Variants in RAB2A observed in about 807,000 individuals in gnomAD.
The protein encoded by RAB2A is RAB2A, member RAS oncogene family, also known as ras-related protein Rab-2A.
A neutral mutation model predicts 32.5 loss-of-function variants in RAB2A; 7 were observed. That is an observed-to-expected ratio of 0.22 (90% CI 0.12 to 0.40). RAB2A has a LOEUF of 0.40. Ranked by LOEUF, RAB2A falls within the 10% of genes least tolerant of loss-of-function variation. The pLI is 1.00. For missense variants in RAB2A, 108 were observed against 260.7 expected, an observed-to-expected ratio of 0.41 and a Z score of 4.03; for synonymous variants, 79 against 85.2, an observed-to-expected ratio of 0.93 and a Z score of 0.40.
Position 60,598,905 on chromosome 8 carries a change from T to C in RAB2A, c.474+6936T>C, listed in dbSNP as rs111945616. ...TGTCTCTTCTCAACATTAATCAACA[T>C]ATTGATGGAAGTTCTAGCCAGTGCA... On this transcript the variant is annotated intron_variant, in intron 6 of 7. Coordinates refer to ENST00000262646, the MANE Select transcript of RAB2A (RefSeq NM_002865.3). Among the ~76,000 whole-genome samples the C allele has an allele frequency of 1.4e-4, 15 of 107,966 alleles. 1 individual carries two copies. Among genetic ancestry groups the C allele is most frequent in the African/African-American group, 5.4e-4 (15 of 27,710 alleles). The allele number at this position is 107,966 out of a possible 152,430, so 70.8% of individuals were successfully genotyped here.
rs73683517 is a variant in RAB2A, at chr8:60,584,414, A to G, written c.269+124A>G. On this transcript the variant is annotated intron_variant, in intron 4 of 7. Transcript: ENST00000262646. ...CCCGGCTACTCACCTTTAAAACTGC[A>G]TCTTGAGTCCAATTTAAATTTACTA... 4,502 of 765,302 alleles carry G rather than the reference A, an allele frequency of 5.9e-3. 138 individuals carry two copies. In the African/African-American group the frequency reaches 0.071, roughly 12 times the overall value. 47.4% of individuals were successfully genotyped at this position (765,302 alleles called of 1,614,324 possible).
intron 6 of RAB2A, among the ~76,000 whole-genome samples, chr8:60,600,307 C>T (rs1026145538): frequency 1.1e-4 from 16 of 152,224 alleles, no homozygotes; most frequent in South Asian, 8.3e-4. Context: ...GACTGGGCAA[C>T]ACAGACCCTG....
At chr8:60,596,016 CTGAA>C (rs1417496889) in intron 6 of RAB2A, among the ~76,000 whole-genome samples, 1 of 152,126 alleles carries the variant, frequency 6.6e-6, no homozygotes, top group African/African-American at 2.4e-5. Flanking sequence ...ACACATTGAA[CTGAA>C]TGAAAATACA....
chr8:60,606,051 A>C (rs1804226003), intron 6 of RAB2A, among the ~76,000 whole-genome samples: 1 of 152,074 alleles, frequency 6.6e-6, no homozygotes, highest in African/African-American at 2.4e-5. Flanking sequence ...CAGGAGGCTG[A>C]GACAGGAGAA....
intron 6 of RAB2A, among the ~76,000 whole-genome samples, chr8:60,596,096 A>C (rs755137851): frequency 3.9e-5 from 6 of 152,204 alleles, no homozygotes; most frequent in Non-Finnish European, 7.4e-5. Flanking sequence ...CATTAAATGC[A>C]CACAATAGAA....
upstream of RAB2A, chr8:60,516,982 C>G (rs924003646): frequency 4.6e-6 from 2 of 431,242 alleles, no homozygotes; most frequent in Non-Finnish European, 8.3e-6. Context: ...GCCGCGGCGG[C>G]TGTTATTGTT....
At chr8:60,546,519 TAGCATTAAAGAAAGG>T (rs1187373551) in intron 1 of RAB2A, among the ~76,000 whole-genome samples, 4 of 152,220 alleles carry the variant, frequency 2.6e-5, no homozygotes, top group African/African-American at 9.6e-5. Flanking sequence ...AGTACTTCTC[TAGCATTAAAGAAAGG>T]ATAAACTACA....
At chr8:60,517,343 G>T in intron 1 of RAB2A, 90 bp downstream of exon 1, 8 of 1,212,924 alleles carry the variant, frequency 6.6e-6, no homozygotes, top group Non-Finnish European at 8.7e-6. Context: ...CGGGGACGCG[G>T]ACTCCACCCG....
chr8:60,529,426 C>G (rs544890930), intron 1 of RAB2A, among the ~76,000 whole-genome samples: 2 of 152,140 alleles, frequency 1.3e-5, no homozygotes, highest in African/African-American at 4.8e-5. Flanking sequence ...TTTTCTTGTT[C>G]TTCTGTCAGA....
At chr8:60,598,623 A>G (rs1385568118) in intron 6 of RAB2A, among the ~76,000 whole-genome samples, 2 of 152,174 alleles carry the variant, frequency 1.3e-5, no homozygotes, top group Non-Finnish European at 2.9e-5. Flanking sequence ...ATTCAAAAAC[A>G]AATCAGTGTA....
At chr8:60,613,004 G>T (rs991212323) in intron 6 of RAB2A, among the ~76,000 whole-genome samples, 6 of 152,140 alleles carry the variant, frequency 3.9e-5, no homozygotes, top group South Asian at 2.1e-4. Flanking sequence ...AGAATTTGAA[G>T]AAGTTTCTTA....
At position 60,622,823 on chromosome 8, in the gene RAB2A, G is replaced by C. The variant is rs1804549795; in HGVS notation, c.*2054G>C. On this transcript the variant is annotated 3_prime_UTR_variant, in exon 8 of 8. Transcript: ENST00000262646. ...GGGGCAGCAGGTGGACTTCTCAATA[G>C]TTCTTTTCCACATTCTCTACAAATC... is the stretch of plus-strand genomic sequence containing the variant. 6.6e-6 allele frequency: 1 copy of C among 152,194 alleles called. No homozygotes were observed. Among genetic ancestry groups the C allele is most frequent in the Non-Finnish European group, 1.5e-5 (1 of 68,024 alleles). The allele number at this position is 152,194 out of a possible 1,614,324, so 9.4% of individuals were successfully genotyped here.
intron 3 of RAB2A, among the ~76,000 whole-genome samples, chr8:60,582,990 T>A (rs891794191): frequency 6.7e-6 from 1 of 148,230 alleles, no homozygotes; most frequent in Non-Finnish European, 1.5e-5. Flanking sequence ...TCTGAATGCC[T>A]GCTATATGCC....
At chr8:60,547,598 C>T (rs553371222) in intron 1 of RAB2A, among the ~76,000 whole-genome samples, 5 of 125,150 alleles carry the variant, frequency 4.0e-5, no homozygotes, top group South Asian at 2.6e-4. Flanking sequence ...CCAGTAGGGG[C>T]GGCCGGGCAG....
intron 6 of RAB2A, among the ~76,000 whole-genome samples, chr8:60,593,368 G>A (rs1803971993): frequency 6.6e-6 from 1 of 152,146 alleles, no homozygotes; most frequent in African/African-American, 2.4e-5. Context: ...CCGAGACTGG[G>A]TGCTAGAGAA....
Position 60,613,950 on chromosome 8 carries a change from A to G in RAB2A, c.475-4630A>G, listed in dbSNP as rs950699049. Among the ~76,000 whole-genome samples the G allele has an allele frequency of 2.6e-5, 4 of 152,210 alleles. No homozygotes were observed. The East Asian group carries it at 5.8e-4, about 22-fold the overall frequency. On this transcript the variant is annotated intron_variant, in intron 6 of 7. Transcript: ENST00000262646. ...AAACTAAAAGTCGCTTGTTTACAAG[A>G]TACCCTGCTCTGTAGCATCTGTTCA...
intron 6 of RAB2A, among the ~76,000 whole-genome samples, chr8:60,599,065 AAAAG>A (rs1804085422): frequency 6.6e-6 from 1 of 152,092 alleles, no homozygotes; most frequent in Non-Finnish European, 1.5e-5. Context: ...TGCAACAAAA[AAAAG>A]TGAGTTCAGC....
intron 1 of RAB2A, among the ~76,000 whole-genome samples, chr8:60,538,919 C>T (rs1270368420): frequency 6.6e-6 from 1 of 152,178 alleles, no homozygotes; most frequent in Non-Finnish European, 1.5e-5. Flanking sequence ...AAGTTTGGGG[C>T]AGATAATGAT....
At chr8:60,546,205 A>G (rs1025414489) in intron 1 of RAB2A, among the ~76,000 whole-genome samples, 1 of 152,236 alleles carries the variant, frequency 6.6e-6, no homozygotes, top group African/African-American at 2.4e-5. Flanking sequence ...AAACAAGTAA[A>G]TAACTCTCCA....
Sources: gnomAD v4.1 joint callset for allele counts (sites outside exome capture counted in the v4.1 genomes callset) on GRCh38, gnomAD v4.1.1 for gene constraint, MANE v1.5 for transcripts, NCBI Gene and HGNC (gene_info 2026-07-23, HGNC 2026-07-21) for gene names.